The following NKD1 variants were observed in gnomAD, a reference collection of about 807,000 sequenced individuals.
The protein encoded by NKD1 is NKD inhibitor of Wnt signaling pathway 1, also known as protein naked cuticle homolog 1.
A neutral mutation model predicts 56.0 loss-of-function variants in NKD1; 21 were observed. The observed-to-expected ratio is 0.38, with a 90% CI of 0.27 to 0.54. The LOEUF (loss-of-function observed/expected upper bound fraction) is 0.54. Ranked by LOEUF, NKD1 falls within the 20% of genes least tolerant of loss-of-function variation. The probability of loss-of-function intolerance (pLI) is 0.82; values close to 1 mark genes in which losing one functional copy is unlikely to be tolerated. For missense variants in NKD1, 578 were observed against 642.7 expected, an observed-to-expected ratio of 0.90 and a Z score of 1.09; for synonymous variants, 263 against 265.7, an observed-to-expected ratio of 0.99 and a Z score of 0.10.
At chr16:50,549,614 C>G (rs1049321512) in intron 3 of NKD1, 59 bp downstream of exon 3, 1 of 1,467,812 alleles carries the variant, frequency 6.8e-7, no homozygotes, top group African/African-American at 1.4e-5. Context: ...GAGATGGGTC[C>G]CCAAACCCAT....
At chr16:50,575,722 A>G (rs1364158953) in intron 3 of NKD1, among the ~76,000 whole-genome samples, 1 of 152,214 alleles carries the variant, frequency 6.6e-6, no homozygotes, top group Non-Finnish European at 1.5e-5. Context: ...AAAAATGGAG[A>G]CATATCACAT....
Position 50,633,925 on chromosome 16 carries a change from C to A in NKD1, c.*144C>A. Reference sequence around the variant, plus strand: ...ACTCCACTAATATTTAGCTAGCCTACATGTAGAAGATCTATGGAAACACAG... The same window carrying A: ...ACTCCACTAATATTTAGCTAGCCTAAATGTAGAAGATCTATGGAAACACAG... On this transcript the variant is annotated 3_prime_UTR_variant, in exon 10 of 10. Transcript: ENST00000268459. The surrounding 1 kb of genome is among the most constrained non-coding windows in gnomAD (Gnocchi z 4.9). 1.9e-6 allele frequency: 1 copy of A among 525,700 alleles called. No individual in the cohort carries two copies. The highest frequency in any genetic ancestry group is 3.4e-6 in the Non-Finnish European group (1 of 296,342). 32.6% of individuals were successfully genotyped at this position (525,700 alleles called of 1,614,324 possible). A position where few individuals can be genotyped will look rare whatever the true frequency, so the allele number is the denominator to read the frequency against.
chr16:50,555,942 C>A, intron 3 of NKD1: 1 of 152,318 alleles, frequency 6.6e-6, no homozygotes, highest in Non-Finnish European at 1.5e-5. Context: ...CCTCTCCCTC[C>A]CCACGTCCCT....
chr16:50,562,647 C>G (rs28631909), intron 3 of NKD1, among the ~76,000 whole-genome samples: 22,555 of 152,002 alleles, frequency 0.15, 3,042 homozygotes, highest in African/African-American at 0.36. Context: ...AAAATGTAGA[C>G]TCCTTGGGGT....
At position 50,608,250 on chromosome 16, in the gene NKD1, C is replaced by T. The variant is rs369803418; in HGVS notation, c.193-44C>T. 12 of 1,393,126 alleles carry T rather than the reference C, an allele frequency of 8.6e-6. No homozygotes were observed. The African/African-American group carries it at 1.7e-4, about 20-fold the overall frequency. The allele number at this position is 1,393,126 out of a possible 1,614,324, so 86.3% of individuals were successfully genotyped here. ...CTGCTTTTAACGTCCCAGCACTGGG[C>T]TCCCCCAACCCCTGCTCAATGCCTC... On this transcript the variant is annotated intron_variant, in intron 3 of 9. Transcript: ENST00000268459.
At chr16:50,613,355 C>G (rs1485344307) in intron 4 of NKD1, among the ~76,000 whole-genome samples, 1 of 152,058 alleles carries the variant, frequency 6.6e-6, no homozygotes, top group Non-Finnish European at 1.5e-5. Flanking sequence ...GGGCAAGGCT[C>G]CTCAATACAC....
At chr16:50,574,804 C>G in intron 3 of NKD1, 1 of 985,426 alleles carries the variant, frequency 1.0e-6, no homozygotes. Flanking sequence ...TTAAAAGACC[C>G]TAAAGTTTGA....
intron 3 of NKD1, among the ~76,000 whole-genome samples, chr16:50,596,202 G>A (rs1428031233): frequency 1.3e-5 from 2 of 152,184 alleles, no homozygotes; most frequent in African/African-American, 4.8e-5. Flanking sequence ...TGGGGTCTGG[G>A]TGGACCAAAG....
rs1961513660 is a variant in NKD1 at position 50,598,173 on chromosome 16, G to A, written c.193-10121G>A. ...GCTGATGGGATCAGAGTGGGTAGGA[G>A]CATGGCTTCTGCAAGATGGTTTCTC... On this transcript the variant is annotated intron_variant, in intron 3 of 9. Transcript: ENST00000268459. This position sits in a 1 kb window ranked among gnomAD's most constrained non-coding sequence, Gnocchi z 4.2. 6.6e-6 allele frequency among the ~76,000 whole-genome samples: 1 copy of A among 151,986 alleles called. No individual in the cohort carries two copies. Among genetic ancestry groups the A allele is most frequent in the Admixed American group, 6.5e-5 (1 of 15,268 alleles).
chr16:50,575,023 C>T (rs1960962577), intron 3 of NKD1: 2 of 984,816 alleles, frequency 2.0e-6, no homozygotes, highest in African/African-American at 1.8e-5. Context: ...AGCTTGAATA[C>T]AATAGTAACT....
At position 50,630,337 on chromosome 16, in the gene NKD1, AG is replaced by A. The variant is rs774872142; in HGVS notation, c.610+7del. The A allele has an allele frequency of 1.2e-6, 2 of 1,613,768 alleles. No homozygotes were observed. The highest frequency in any genetic ancestry group is 1.1e-5 in the South Asian group (1 of 91,058). On this transcript the variant is annotated splice_donor_5th_base_variant and intron_variant, in intron 7 of 9. Transcript: ENST00000268459. Reference sequence around the variant, plus strand: ...AGCGTCCTTGTCAATCAGGCTGGTGAGGGCTGCAGGGCTGAGCCTGGGAAAC... The same window carrying A: ...AGCGTCCTTGTCAATCAGGCTGGTGAGGCTGCAGGGCTGAGCCTGGGAAAC...
At chr16:50,582,300 T>C (rs931855907) in intron 3 of NKD1, among the ~76,000 whole-genome samples, 2 of 152,202 alleles carry the variant, frequency 1.3e-5, no homozygotes, top group East Asian at 3.8e-4. Flanking sequence ...CTCAGGTCTG[T>C]GCCTAGAGCC....
At chr16:50,616,975 C>G (rs888353457) in intron 4 of NKD1, among the ~76,000 whole-genome samples, 1 of 152,168 alleles carries the variant, frequency 6.6e-6, no homozygotes, top group Non-Finnish European at 1.5e-5. Context: ...GGAAGAGCCC[C>G]GAGGAGCTCA....
rs1271178601 is a variant in NKD1 at position 50,640,577 on chromosome 16, A to C, written c.*6796A>C. 1.3e-5 allele frequency: 2 copies of C among 152,170 alleles called. No homozygotes were observed. Among genetic ancestry groups the C allele is most frequent in the African/African-American group, 4.8e-5 (2 of 41,444 alleles). The allele number at this position is 152,170 out of a possible 1,614,324, so 9.4% of individuals were successfully genotyped here. Reference sequence around the variant, plus strand: ...AGGGCATGGCATGTAGTGGGTGGTTAATGAATGGAAGAGAGGGAATGAGTG... The same window carrying C: ...AGGGCATGGCATGTAGTGGGTGGTTCATGAATGGAAGAGAGGGAATGAGTG... On this transcript the variant is annotated 3_prime_UTR_variant, in exon 10 of 10. Coordinates refer to ENST00000268459, the MANE Select transcript of NKD1 (RefSeq NM_033119.5).
Position 50,626,846 on chromosome 16 carries a change from C to T in NKD1, c.462+1266C>T, listed in dbSNP as rs564846784. On this transcript the variant is annotated intron_variant, in intron 6 of 9. Transcript: ENST00000268459. ...CCTGCGCGGCGGTCGCAGGTTAGCA[C>T]GTCTGGGCTCCACTTGCTTCTTGTC... Among the ~76,000 whole-genome samples, 14 of 152,272 alleles carry T rather than the reference C, an allele frequency of 9.2e-5. No individual in the cohort carries two copies. The South Asian group carries it at 1.9e-3, about 20-fold the overall frequency.
rs372974496 is a variant in NKD1 at position 50,591,676 on chromosome 16, G to T, written c.193-16618G>T. Among the ~76,000 whole-genome samples the T allele has an allele frequency of 7.2e-5, 11 of 152,328 alleles. No homozygotes were observed. In the East Asian group the frequency reaches 1.7e-3, roughly 24 times the overall value. On this transcript the variant is annotated intron_variant, in intron 3 of 9. Coordinates refer to ENST00000268459, the MANE Select transcript of NKD1 (RefSeq NM_033119.5). ...CCCTACCATAACCATTTGTTTCCCA[G>T]TGAGCTGGACTGAGAAGCTACAGCA...
chr16:50,625,544 G>A lies in NKD1; in HGVS notation c.426G>A (p.Leu142=), dbSNP rs1962190346. 4.3e-6 allele frequency: 7 copies of A among 1,613,808 alleles called. No homozygotes were observed. The highest frequency in any genetic ancestry group is 5.9e-6 in the Non-Finnish European group (7 of 1,179,824). Residue 142 remains leucine (L), a synonymous_variant, in exon 6 of 10, where the codon CTG becomes CTA. Coordinates refer to ENST00000268459, the MANE Select transcript of NKD1 (RefSeq NM_033119.5). The stretch of plus-strand genomic sequence containing the variant: ...GCCGGCAGGAGTGGACCTTCACCCT[G>A]TATGACTTTGACAACAACGGCAAGG... ...EDSRQEWTFT[L]YDFDNNGKVT... is the part of the protein sequence containing the mutation.
Position 50,598,706 on chromosome 16 carries a change from G to A in NKD1, c.193-9588G>A, listed in dbSNP as rs1361821495. 6.6e-6 allele frequency among the ~76,000 whole-genome samples: 1 copy of A among 152,202 alleles called. No individual in the cohort carries two copies. The highest frequency in any genetic ancestry group is 1.5e-5 in the Non-Finnish European group (1 of 68,036). On this transcript the variant is annotated intron_variant, in intron 3 of 9. Transcript: ENST00000268459. This position sits in a 1 kb window ranked among gnomAD's most constrained non-coding sequence, Gnocchi z 4.2. ...CGGGCCTCTCCTCTTATCAGCACTCGGCTGTGTGGCGTGGCGGGCCAGTGG... is the reference window on the plus strand; with the variant it reads ...CGGGCCTCTCCTCTTATCAGCACTCAGCTGTGTGGCGTGGCGGGCCAGTGG...
intron 3 of NKD1, among the ~76,000 whole-genome samples, chr16:50,550,372 A>G (rs1212674728): frequency 7.1e-6 from 1 of 141,572 alleles, no homozygotes; most frequent in African/African-American, 2.5e-5. Context: ...TTTTTTTTTT[A>G]ACTTAGAGGG....
Sources: allele counts gnomAD v4.1 joint callset (sites outside exome capture counted in the v4.1 genomes callset), GRCh38; gene constraint gnomAD v4.1.1; non-coding constraint Gnocchi (gnomAD v3.1); transcripts MANE v1.5; gene names NCBI Gene and HGNC (gene_info 2026-07-23, HGNC 2026-07-21).